Variants in IL1RAPL1 observed in about 807,000 individuals in gnomAD.
The protein encoded by IL1RAPL1 is interleukin 1 receptor accessory protein like 1.
Under a neutral mutation model 48.4 loss-of-function variants are expected in IL1RAPL1, and 3 were observed. That is an observed-to-expected ratio of 0.06 (90% CI 0.03 to 0.16). The LOEUF (loss-of-function observed/expected upper bound fraction) is 0.16. IL1RAPL1 is among the 10% of genes least tolerant of loss of function. The pLI, the probability that IL1RAPL1 is intolerant of heterozygous loss-of-function variation, is 1.00. For synonymous variants in IL1RAPL1, 185 were observed against 187.7 expected, an observed-to-expected ratio of 0.99 and a Z score of 0.12; for missense variants, 349 against 530.6, an observed-to-expected ratio of 0.66 and a Z score of 3.36.
chrX:29,429,894 G>T (rs4829420), intron 5 of IL1RAPL1, among the ~76,000 whole-genome samples: 3,838 of 85,048 alleles, frequency 0.045, 209 homozygotes, highest in African/African-American at 0.15. Context: ...GTGTGTGTGT[G>T]GTGTGTGTGT....
At chrX:29,267,428 A>G (rs1303356207) in intron 2 of IL1RAPL1, among the ~76,000 whole-genome samples, 1 of 112,081 alleles carries the variant, frequency 8.9e-6, no homozygotes, top group Non-Finnish European at 1.9e-5. Flanking sequence ...TAGGGTTATT[A>G]ACATTATATT....
intron 2 of IL1RAPL1, among the ~76,000 whole-genome samples, chrX:28,852,649 G>C (rs1224202921): frequency 9.0e-6 from 1 of 111,573 alleles, no homozygotes. Context: ...TTGTAAGTCA[G>C]TGTGTTATTT....
At chrX:29,454,802 G>A (rs769482418) in intron 5 of IL1RAPL1, among the ~76,000 whole-genome samples, 27 of 108,440 alleles carry the variant, frequency 2.5e-4, no homozygotes, top group East Asian at 2.9e-4. Context: ...CCTGTCTTCC[G>A]TTTGATTTTT....
At chrX:29,943,013 G>C (rs5973366) in intron 9 of IL1RAPL1, among the ~76,000 whole-genome samples, 2 of 110,194 alleles carry the variant, frequency 1.8e-5, no homozygotes, top group African/African-American at 6.6e-5. Context: ...ATGTTGCCAC[G>C]TTTCCAGGGT....
chrX:29,788,544 A>G (rs1161613991), intron 6 of IL1RAPL1, among the ~76,000 whole-genome samples: 1 of 111,341 alleles, frequency 9.0e-6, no homozygotes, highest in Non-Finnish European at 1.9e-5. Flanking sequence ...ATAATTGTAC[A>G]TATGTATGGG....
intron 5 of IL1RAPL1, among the ~76,000 whole-genome samples, chrX:29,496,421 C>T (rs1022594727): frequency 2.8e-5 from 3 of 106,335 alleles, no homozygotes; most frequent in African/African-American, 1.0e-4. Flanking sequence ...TCACAAGATC[C>T]AGTCACTTAA....
intron 3 of IL1RAPL1, among the ~76,000 whole-genome samples, chrX:29,364,607 G>A (rs1189403585): frequency 8.7e-5 from 9 of 103,259 alleles, no homozygotes; most frequent in African/African-American, 3.2e-4. Context: ...GAAAAAAATT[G>A]TATATGTACT....
At chrX:29,547,124 A>G (rs1431524078) in intron 5 of IL1RAPL1, among the ~76,000 whole-genome samples, 1 of 112,119 alleles carries the variant, frequency 8.9e-6, no homozygotes, top group Non-Finnish European at 1.9e-5. Flanking sequence ...ATCACAGGTA[A>G]TTAATCATAT....
At chrX:29,849,909 G>A (rs1931326580) in intron 6 of IL1RAPL1, among the ~76,000 whole-genome samples, 1 of 111,986 alleles carries the variant, frequency 8.9e-6, no homozygotes. Flanking sequence ...CAACATGACA[G>A]AATTGAGTTG....
At chrX:29,938,045 CTCTT>C (rs1005342492) in intron 8 of IL1RAPL1, among the ~76,000 whole-genome samples, 5 of 111,356 alleles carry the variant, frequency 4.5e-5, no homozygotes, top group Non-Finnish European at 3.8e-5. Context: ...CAACCCTGCT[CTCTT>C]TTTCTTATTA....
intron 1 of IL1RAPL1, among the ~76,000 whole-genome samples, chrX:28,774,383 C>G (rs1180041792): frequency 9.0e-6 from 1 of 111,517 alleles, no homozygotes; most frequent in Non-Finnish European, 1.9e-5. Flanking sequence ...TATCCGGGTC[C>G]TCTGGCTCAG....
intron 5 of IL1RAPL1, among the ~76,000 whole-genome samples, chrX:29,508,965 T>TA (rs1183894908): frequency 5.3e-5 from 6 of 112,328 alleles, no homozygotes; most frequent in Non-Finnish European, 5.6e-5. Context: ...TTTGTTCTGT[T>TA]ACAATAACAT....
intron 6 of IL1RAPL1, among the ~76,000 whole-genome samples, chrX:29,891,321 G>A (rs1276037394): frequency 8.9e-6 from 1 of 112,182 alleles, no homozygotes; most frequent in East Asian, 2.8e-4. Context: ...GTTTCCTGAT[G>A]AAGGCCTATG....
intron 1 of IL1RAPL1, among the ~76,000 whole-genome samples, chrX:28,766,749 T>C (rs1936245106): frequency 9.0e-6 from 1 of 111,226 alleles, no homozygotes; most frequent in Non-Finnish European, 1.9e-5. Flanking sequence ...TGAGTTCAAT[T>C]GTTTTGATTT....
chrX:29,184,848 G>A (rs1015367345), intron 2 of IL1RAPL1, among the ~76,000 whole-genome samples: 1 of 111,590 alleles, frequency 9.0e-6, no homozygotes, highest in Non-Finnish European at 1.9e-5. Context: ...TTTTTTCCCC[G>A]GATTTCTTGA....
chrX:28,854,484 A>G (rs1308810829), intron 2 of IL1RAPL1, among the ~76,000 whole-genome samples: 1 of 110,749 alleles, frequency 9.0e-6, no homozygotes, highest in Non-Finnish European at 1.9e-5. Context: ...AGGTTTGATT[A>G]TGCTGTATTT....
At chrX:28,664,813 G>T (rs764542353) in intron 1 of IL1RAPL1, among the ~76,000 whole-genome samples, 9 of 111,759 alleles carry the variant, frequency 8.1e-5, no homozygotes, top group African/African-American at 2.9e-4. Context: ...CAGGCTTGTT[G>T]CCATTACACA....
intron 2 of IL1RAPL1, among the ~76,000 whole-genome samples, chrX:29,270,253 G>A (rs1932020209): frequency 8.9e-6 from 1 of 111,765 alleles, no homozygotes; most frequent in Admixed American, 9.5e-5. Context: ...TCTTGTCTTA[G>A]TCAAATACCT....
intron 1 of IL1RAPL1, among the ~76,000 whole-genome samples, chrX:28,618,404 G>A (rs757914203): frequency 7.1e-5 from 8 of 112,319 alleles, no homozygotes; most frequent in Non-Finnish European, 1.3e-4. Context: ...TACACAATAC[G>A]TGGATTACTA....
Sources: gnomAD v4.1 joint callset for allele counts (sites outside exome capture counted in the v4.1 genomes callset) on GRCh38, gnomAD v4.1.1 for gene constraint, MANE v1.5 for transcripts, NCBI Gene and HGNC (gene_info 2026-07-23, HGNC 2026-07-21) for gene names.